Variants in XKR9 observed in about 807,000 individuals in gnomAD.
The protein encoded by XKR9 is XK-related protein 9.
Under a neutral mutation model 32.0 loss-of-function variants are expected in XKR9, and 32 were observed. That is an observed-to-expected ratio of 1.00 (90% CI 0.76 to 1.34). The LOEUF is 1.34. Ranked by LOEUF, XKR9 falls within the 40% of genes most tolerant of loss-of-function variation. The pLI is 0.00. For synonymous variants in XKR9, 168 were observed against 143.4 expected (o/e 1.17, Z -1.22); for missense variants, 546 against 429.7 (o/e 1.27, Z -2.39).
the XKR9 span, among the ~76,000 whole-genome samples, chr8:70,844,872 C>T: frequency 6.6e-6 from 1 of 152,234 alleles, no homozygotes; most frequent in African/African-American, 2.4e-5. Context: ...CTGCTGCTGC[C>T]ATCACCCATG....
the XKR9 span, among the ~76,000 whole-genome samples, chr8:70,867,082 T>C: frequency 6.6e-6 from 1 of 152,192 alleles, no homozygotes; most frequent in Non-Finnish European, 1.5e-5. Context: ...AAGGGTTTAA[T>C]GGACTTACAG....
At chr8:70,845,057 C>G in the XKR9 span, among the ~76,000 whole-genome samples, 3 of 152,224 alleles carry the variant, frequency 2.0e-5, no homozygotes, top group Non-Finnish European at 4.4e-5. Flanking sequence ...TGGCCCACTG[C>G]TGCCACCACT....
chr8:70,803,385 T>G, the XKR9 span, among the ~76,000 whole-genome samples: 36 of 152,348 alleles, frequency 2.4e-4, no homozygotes, highest in African/African-American at 8.4e-4. Context: ...GGTTTCAACT[T>G]TCTCCTAAGT....
chr8:70,738,729 C>G (rs1438008959), downstream of XKR9, among the ~76,000 whole-genome samples: 1 of 151,948 alleles, frequency 6.6e-6, no homozygotes, highest in Non-Finnish European at 1.5e-5. Context: ...CGTTATGTAC[C>G]CAGTAGTCAT....
chr8:70,780,493 A>G (rs935868974), intron 2 of XKR9, among the ~76,000 whole-genome samples: 1 of 152,100 alleles, frequency 6.6e-6, no homozygotes. Flanking sequence ...TATGTACTAT[A>G]TAGAAACATA....
chr8:70,813,669 G>A, the XKR9 span, among the ~76,000 whole-genome samples: 2 of 152,154 alleles, frequency 1.3e-5, no homozygotes, highest in Admixed American at 6.5e-5. Context: ...AGATATTTAT[G>A]CACCCAAAAA....
the XKR9 span, among the ~76,000 whole-genome samples, chr8:70,910,186 GCT>G: frequency 6.6e-6 from 1 of 151,944 alleles, no homozygotes; most frequent in Non-Finnish European, 1.5e-5. Context: ...TTTCTTAAGG[GCT>G]CTCCCAACAA....
the XKR9 span, among the ~76,000 whole-genome samples, chr8:70,919,844 A>T: frequency 1.3e-5 from 2 of 152,198 alleles, no homozygotes; most frequent in African/African-American, 4.8e-5. Context: ...GGAATGTGAA[A>T]ATTTGGAAAT....
At chr8:70,991,639 C>G in the XKR9 span, among the ~76,000 whole-genome samples, 1 of 152,124 alleles carries the variant, frequency 6.6e-6, no homozygotes, top group Non-Finnish European at 1.5e-5. Context: ...TCCAAGAAAA[C>G]TGAAGATACT....
In XKR9 at chr8:70,777,456, C is replaced by G. The variant is rs536457313; in HGVS notation, n.353-11883C>G. ...CTTTATAGTAGCATGATTTATAATC[C>G]TTTGGGTATATACCCAGTAATGGGA... On this transcript the variant is annotated intron_variant and non_coding_transcript_variant, in intron 2 of 3. Transcript: ENST00000520273. 4.6e-5 allele frequency among the ~76,000 whole-genome samples: 7 copies of G among 152,208 alleles called. No homozygotes were observed. In the South Asian group the frequency reaches 1.0e-3, roughly 23 times the overall value.
chr8:70,673,355 C>T (rs1471122255), intron 1 of XKR9, among the ~76,000 whole-genome samples: 1 of 151,788 alleles, frequency 6.6e-6, no homozygotes, highest in African/African-American at 2.4e-5. Context: ...AAGGAATAGG[C>T]CAAATGATTT....
intron 3 of XKR9, among the ~76,000 whole-genome samples, chr8:70,701,380 T>C (rs2132162729): frequency 6.6e-6 from 1 of 152,300 alleles, no homozygotes. Context: ...GTAGGTCAGG[T>C]TGTTTCCTTG....
the XKR9 span, among the ~76,000 whole-genome samples, chr8:71,051,780 G>A: frequency 7.9e-5 from 12 of 152,298 alleles, no homozygotes; most frequent in African/African-American, 2.6e-4. Context: ...CTGTTAAAGA[G>A]GATTAGAAAG....
chr8:70,706,301 A>T lies in XKR9; in HGVS notation c.273-632A>T, dbSNP rs761521560. ...AAAATTCTTTCAGAAGAAGAGTCTG[A>T]CCAGGGATATTTCAAGAGTCTTTGA... On this transcript the variant is annotated intron_variant, in intron 3 of 4. Coordinates refer to ENST00000408926, the MANE Select transcript of XKR9 (RefSeq NM_001011720.2). Among the ~76,000 whole-genome samples, 13 of 152,212 alleles carry T rather than the reference A, an allele frequency of 8.5e-5. No individual in the cohort carries two copies. The South Asian group carries it at 1.0e-3, about 12-fold the overall frequency.
At chr8:70,898,965 G>A in the XKR9 span, among the ~76,000 whole-genome samples, 1 of 152,126 alleles carries the variant, frequency 6.6e-6, no homozygotes, top group Non-Finnish European at 1.5e-5. Context: ...TAGGCTTAGA[G>A]TGTAGTGGTG....
At chr8:70,875,305 A>G in the XKR9 span, among the ~76,000 whole-genome samples, 1 of 152,176 alleles carries the variant, frequency 6.6e-6, no homozygotes, top group African/African-American at 2.4e-5. Context: ...CGTTTATAGC[A>G]GAAAAATTGT....
the XKR9 span, among the ~76,000 whole-genome samples, chr8:70,802,225 C>G: frequency 2.0e-5 from 3 of 152,156 alleles, no homozygotes; most frequent in African/African-American, 7.2e-5. Context: ...CGTGAGCCAC[C>G]GCGCCCGGCC....
chr8:71,049,134 A>G, the XKR9 span, among the ~76,000 whole-genome samples: 1 of 152,212 alleles, frequency 6.6e-6, no homozygotes, highest in Non-Finnish European at 1.5e-5. Flanking sequence ...TGCCATTTTT[A>G]ACACTTGGCA....
intron 2 of XKR9, among the ~76,000 whole-genome samples, chr8:70,776,573 C>T (rs1807523161): frequency 6.6e-6 from 1 of 151,984 alleles, no homozygotes; most frequent in African/African-American, 2.4e-5. Context: ...GAGTTAAATG[C>T]CTGTTCTCCT....
Sources: allele counts gnomAD v4.1 joint callset (sites outside exome capture counted in the v4.1 genomes callset), GRCh38; gene constraint gnomAD v4.1.1; transcripts MANE v1.5; gene names NCBI Gene and HGNC (gene_info 2026-07-23, HGNC 2026-07-21).